Variants in RANBP2 observed in about 807,000 individuals in gnomAD.
The protein encoded by RANBP2 is RAN binding protein 2, also known as E3 SUMO-protein ligase RanBP2.
Under a neutral mutation model 303.6 loss-of-function variants are expected in RANBP2, and 57 were observed. The ratio of observed to expected loss-of-function variants is 0.19; its 90% CI spans 0.15 to 0.23. RANBP2 has a LOEUF of 0.23. Among genes scored for constraint, RANBP2 ranks in the 10% least tolerant of loss-of-function variants. RANBP2 has a pLI of 1.00. For missense variants in RANBP2, 3,138 were observed against 3,780.8 expected (o/e 0.83, Z 4.46); for synonymous variants, 1,167 against 1,301.5 (o/e 0.90, Z 2.23).
chr2:108,876,143 C>G, the RANBP2 span: 1 of 1,609,538 alleles, frequency 6.2e-7, no homozygotes, highest in Admixed American at 1.7e-5. Context: ...TCAAGAAATA[C>G]AAAGGACAAC....
chr2:109,642,092 A>ATT, the RANBP2 span, among the ~76,000 whole-genome samples: 1 of 150,836 alleles, frequency 6.6e-6, no homozygotes, highest in East Asian at 2.0e-4. Flanking sequence ...GAGTGAACCA[A>ATT]TTTTTTTTGT....
chr2:108,982,100 C>T, the RANBP2 span, among the ~76,000 whole-genome samples: 1 of 152,240 alleles, frequency 6.6e-6, no homozygotes, highest in Non-Finnish European at 1.5e-5. Context: ...CCTATTTCCT[C>T]CTTTCAATGC....
chr2:109,025,044 T>A, the RANBP2 span, among the ~76,000 whole-genome samples: 2 of 152,136 alleles, frequency 1.3e-5, no homozygotes, highest in Non-Finnish European at 2.9e-5. Context: ...TGGTAACCGT[T>A]CCCTCTATGA....
chr2:108,936,920 G>A, the RANBP2 span, among the ~76,000 whole-genome samples: 2 of 152,206 alleles, frequency 1.3e-5, no homozygotes, highest in African/African-American at 4.8e-5. Context: ...GAAGTCCTCA[G>A]TGATTTCTGA....
the RANBP2 span, among the ~76,000 whole-genome samples, chr2:108,859,342 A>G: frequency 2.6e-5 from 4 of 151,958 alleles, no homozygotes; most frequent in Non-Finnish European, 2.9e-5. Context: ...CTCCCATTCT[A>G]TAGGTTGTCT....
At chr2:108,789,468 T>G (rs1028215456), downstream of RANBP2, among the ~76,000 whole-genome samples, 1 of 152,076 alleles carries the variant, frequency 6.6e-6, no homozygotes, top group African/African-American at 2.4e-5. Flanking sequence ...GTGGTGTGCG[T>G]CTGGAATCTC....
At chr2:109,030,884 T>C in the RANBP2 span, among the ~76,000 whole-genome samples, 2 of 152,144 alleles carry the variant, frequency 1.3e-5, no homozygotes, top group Non-Finnish European at 2.9e-5. Flanking sequence ...CACCCGACTT[T>C]GGCAGTTTTT....
the RANBP2 span, among the ~76,000 whole-genome samples, chr2:109,175,431 G>A: frequency 8.5e-5 from 13 of 152,308 alleles, no homozygotes; most frequent in Middle Eastern, 3.4e-3. Flanking sequence ...TTTGGCAGTC[G>A]TCTGTGTAAC....
the RANBP2 span, among the ~76,000 whole-genome samples, chr2:109,033,106 T>C: frequency 6.6e-6 from 1 of 152,162 alleles, no homozygotes; most frequent in Admixed American, 6.5e-5. Flanking sequence ...CAGAGACCTT[T>C]CATGTTTGGT....
chr2:109,672,202 T>G, the RANBP2 span, among the ~76,000 whole-genome samples: 1 of 152,240 alleles, frequency 6.6e-6, no homozygotes, highest in South Asian at 2.1e-4. Flanking sequence ...GCTTTCCTGT[T>G]AATGCATTGT....
At chr2:109,104,464 GTT>G in the RANBP2 span, among the ~76,000 whole-genome samples, 1 of 147,120 alleles carries the variant, frequency 6.8e-6, no homozygotes, top group Admixed American at 6.8e-5. Context: ...GAGGGATTAG[GTT>G]TTTTTTTTGG....
At chr2:109,739,488 C>A in the RANBP2 span, among the ~76,000 whole-genome samples, 27 of 152,186 alleles carry the variant, frequency 1.8e-4, 1 homozygote, top group African/African-American at 6.3e-4. Flanking sequence ...GTGGCTATTG[C>A]GAATGGGATT....
the RANBP2 span, among the ~76,000 whole-genome samples, chr2:109,611,931 C>T: frequency 0.054 from 8,232 of 152,192 alleles, 683 homozygotes; most frequent in East Asian, 0.24. Flanking sequence ...CAGTTTCTTA[C>T]AAAACTAAGC....
the RANBP2 span, among the ~76,000 whole-genome samples, chr2:109,467,725 C>T: frequency 6.6e-6 from 1 of 152,188 alleles, no homozygotes; most frequent in Admixed American, 6.5e-5. Flanking sequence ...TGAGGATGAG[C>T]GTTTGAAGCA....
At chr2:108,868,098 T>C in the RANBP2 span, among the ~76,000 whole-genome samples, 1 of 152,228 alleles carries the variant, frequency 6.6e-6, no homozygotes, top group African/African-American at 2.4e-5. Context: ...TGCTAACTTG[T>C]TGACAGCATG....
At chr2:109,525,058 G>T in the RANBP2 span, among the ~76,000 whole-genome samples, 1 of 150,590 alleles carries the variant, frequency 6.6e-6, no homozygotes, top group East Asian at 1.9e-4. Context: ...CCCATGGTGG[G>T]CATTTAGGCT....
the RANBP2 span, among the ~76,000 whole-genome samples, chr2:108,855,583 G>GT: frequency 6.6e-6 from 1 of 151,950 alleles, no homozygotes; most frequent in East Asian, 1.9e-4. Context: ...TATTTACAAT[G>GT]TTTTTTTAAA....
At chr2:108,925,476 TC>T in the RANBP2 span, among the ~76,000 whole-genome samples, 1 of 152,218 alleles carries the variant, frequency 6.6e-6, no homozygotes, top group East Asian at 1.9e-4. Flanking sequence ...GGTGGCTCTG[TC>T]CCACGACTGT....
At chr2:109,259,950 T>A in the RANBP2 span, among the ~76,000 whole-genome samples, 2 of 152,190 alleles carry the variant, frequency 1.3e-5, no homozygotes, top group African/African-American at 4.8e-5. Flanking sequence ...ATATCCATGT[T>A]CTCAGACGCC....
Sources: allele counts gnomAD v4.1 joint callset (sites outside exome capture counted in the v4.1 genomes callset), GRCh38; gene constraint gnomAD v4.1.1; transcripts MANE v1.5; gene names NCBI Gene and HGNC (gene_info 2026-07-23, HGNC 2026-07-21).